Variants in MAP3K7 observed in about 807,000 individuals in gnomAD.
MAP3K7 encodes mitogen-activated protein kinase kinase kinase 7, also known as TGF-beta activated kinase 1.
Under a neutral mutation model 84.8 loss-of-function variants are expected in MAP3K7, and 21 were observed. The observed-to-expected ratio is 0.25, with a 90% CI of 0.18 to 0.36. The LOEUF is 0.36. Among genes scored for constraint, MAP3K7 ranks in the 10% least tolerant of loss-of-function variants. The pLI is 1.00. For missense variants in MAP3K7, 503 were observed against 747.7 expected, an observed-to-expected ratio of 0.67 and a Z score of 3.82; for synonymous variants, 241 against 247.7, an observed-to-expected ratio of 0.97 and a Z score of 0.25.
chr6:90,517,110 TA>T (rs1774991775), intron 16 of MAP3K7, among the ~76,000 whole-genome samples: 1 of 151,842 alleles, frequency 6.6e-6, no homozygotes, highest in Admixed American at 6.6e-5. Context: ...CAGAGAGTGG[TA>T]AGCTAATAGC....
intron 9 of MAP3K7, among the ~76,000 whole-genome samples, chr6:90,549,490 G>A (rs1392002764): frequency 2.0e-5 from 3 of 152,170 alleles, no homozygotes; most frequent in African/African-American, 7.2e-5. Context: ...CATTAGGCTT[G>A]TGGTTTAGCC....
intron 8 of MAP3K7, chr6:90,550,850 T>C (rs1473631665): frequency 2.7e-5 from 6 of 218,676 alleles, no homozygotes. Flanking sequence ...ACTCATGTTC[T>C]TACAGTAGTG....
chr6:90,559,761 G>C (rs767621910), intron 5 of MAP3K7, among the ~76,000 whole-genome samples: 1 of 152,112 alleles, frequency 6.6e-6, no homozygotes, highest in Non-Finnish European at 1.5e-5. Context: ...CTGCCCCCAA[G>C]GAATTGTCTA....
chr6:90,540,381 A>G (rs1203552069), intron 12 of MAP3K7, among the ~76,000 whole-genome samples: 1 of 151,950 alleles, frequency 6.6e-6, no homozygotes, highest in Non-Finnish European at 1.5e-5. Context: ...ACTTGAAATC[A>G]AGCATTATAA....
At chr6:90,529,222 C>A (rs1775420602) in intron 13 of MAP3K7, among the ~76,000 whole-genome samples, 1 of 152,196 alleles carries the variant, frequency 6.6e-6, no homozygotes, top group Non-Finnish European at 1.5e-5. Flanking sequence ...TCTTAAAATT[C>A]CTCATGCCCC....
At chr6:90,519,212 T>G (rs748181748) in intron 15 of MAP3K7, 46 bp downstream of exon 15, 2 of 1,284,616 alleles carry the variant, frequency 1.6e-6, no homozygotes, top group South Asian at 2.5e-5. Context: ...ACTTAAACTC[T>G]CTAAGAAGAA....
At chr6:90,542,282 C>T in intron 12 of MAP3K7, 1 of 983,762 alleles carries the variant, frequency 1.0e-6, no homozygotes, top group South Asian at 4.7e-5. Flanking sequence ...CTTTTATGTC[C>T]ACTAGTGTCA....
At position 90,586,887 on chromosome 6, in the gene MAP3K7, C is replaced by T. The variant is rs1423379121; in HGVS notation, c.-4G>A. 4 of 1,602,764 alleles carry T rather than the reference C, an allele frequency of 2.5e-6. No homozygotes were observed. Among genetic ancestry groups the T allele is most frequent in the Non-Finnish European group, 2.6e-6 (3 of 1,175,840 alleles). On this transcript the variant is annotated 5_prime_UTR_variant, in exon 1 of 17. Transcript: ENST00000369329. ...AGGCGGCAGAGGCTGTAGACATGAT[C>T]CCTCGCGGCGCCCGGTGGGGCCGGG... is the stretch of plus-strand genomic sequence containing the variant.
At chr6:90,586,536 C>G (rs1316993535) in intron 1 of MAP3K7, among the ~76,000 whole-genome samples, 3 of 152,186 alleles carry the variant, frequency 2.0e-5, no homozygotes, top group Non-Finnish European at 2.9e-5. Context: ...ATATCAAATC[C>G]AAAATCAAGA....
rs1472430329 is a variant in MAP3K7 at position 90,523,898 on chromosome 6, A to G, written c.1357-115T>C. 3.9e-5 allele frequency: 24 copies of G among 622,770 alleles called. No individual in the cohort carries two copies. In the Admixed American group the frequency reaches 6.3e-4, roughly 16 times the overall value. The allele number at this position is 622,770 out of a possible 1,614,324, so 38.6% of individuals were successfully genotyped here. On this transcript the variant is annotated intron_variant, in intron 13 of 16. Transcript: ENST00000369329. ...TTAGAGATCCCCCCAAAACTCTTGT[A>G]AACAACAAAATAAATCCTCTCTTAT...
Position 90,516,325 on chromosome 6 carries a change from G to T in MAP3K7, c.*176C>A. 7.7e-6 allele frequency: 5 copies of T among 647,794 alleles called. No individual in the cohort carries two copies. The highest frequency in any genetic ancestry group is 1.3e-5 in the Non-Finnish European group (5 of 375,750). 40.1% of individuals were successfully genotyped at this position (647,794 alleles called of 1,614,324 possible). On this transcript the variant is annotated 3_prime_UTR_variant, in exon 17 of 17. Coordinates refer to ENST00000369329, the MANE Select transcript of MAP3K7 (RefSeq NM_145331.3). Reference sequence around the variant, plus strand: ...TGTTATGCAATGAAACAGTAAAATTGTATGTCCACCATGAGAAAAGGAAAA... The same window carrying T: ...TGTTATGCAATGAAACAGTAAAATTTTATGTCCACCATGAGAAAAGGAAAA...
chr6:90,551,171 C>T (rs1323235386), intron 8 of MAP3K7: 2 of 152,180 alleles, frequency 1.3e-5, no homozygotes, highest in East Asian at 3.9e-4. Flanking sequence ...AAGGCCTAGG[C>T]TTCTATATAT....
chr6:90,526,497 G>A (rs771796671), intron 13 of MAP3K7, among the ~76,000 whole-genome samples: 1 of 152,090 alleles, frequency 6.6e-6, no homozygotes, highest in Non-Finnish European at 1.5e-5. Context: ...ACATTAGAAA[G>A]TACTTGAACT....
Position 90,568,531 on chromosome 6 carries a change from G to A in MAP3K7, c.297+27C>T, listed in dbSNP as rs555516720. 4.9e-5 allele frequency: 78 copies of A among 1,584,042 alleles called. No individual in the cohort carries two copies. The South Asian group carries it at 8.1e-4, about 16-fold the overall frequency. ...ACATCTGCCATGTCATTTCTCACAGGTGACCATGAAAAAGTAACAAACTTA... is the reference window on the plus strand; with the variant it reads ...ACATCTGCCATGTCATTTCTCACAGATGACCATGAAAAAGTAACAAACTTA... On this transcript the variant is annotated intron_variant, in intron 3 of 16. Coordinates refer to ENST00000369329, the MANE Select transcript of MAP3K7 (RefSeq NM_145331.3).
intron 13 of MAP3K7, among the ~76,000 whole-genome samples, chr6:90,525,711 G>GCA (rs1207713129): frequency 6.7e-6 from 1 of 150,352 alleles, no homozygotes; most frequent in Non-Finnish European, 1.5e-5. Flanking sequence ...GGGACTACAG[G>GCA]CACACACAAC....
intron 13 of MAP3K7, among the ~76,000 whole-genome samples, chr6:90,527,353 C>A (rs1455444285): frequency 6.6e-6 from 1 of 151,968 alleles, no homozygotes; most frequent in Non-Finnish European, 1.5e-5. Context: ...GCTTTGACCT[C>A]CTGGGCTCAA....
Position 90,580,072 on chromosome 6 carries a change from C to T in MAP3K7, c.120+6692G>A, listed in dbSNP as rs112264538. 1.0e-3 allele frequency among the ~76,000 whole-genome samples: 158 copies of T among 152,236 alleles called. 1 individual carries two copies. Among genetic ancestry groups the T allele is most frequent in the African/African-American group, 3.4e-3 (143 of 41,546 alleles). On this transcript the variant is annotated intron_variant, in intron 1 of 16. Coordinates refer to ENST00000369329, the MANE Select transcript of MAP3K7 (RefSeq NM_145331.3). ...ATGCAAATATCTTGGTAACAAATTT[C>T]CTTATTGTATTAATCAAGAACATAA...
chr6:90,586,827 G>C lies in MAP3K7; in HGVS notation c.57C>G (p.Ile19Met), dbSNP rs778123770. 1.4e-5 allele frequency: 23 copies of C among 1,610,868 alleles called. No individual in the cohort carries two copies. Among genetic ancestry groups the C allele is most frequent in the Non-Finnish European group, 1.4e-5 (17 of 1,178,592 alleles). Residue 19 changes from isoleucine (I) to methionine (M), a missense_variant, in exon 1 of 17, where the codon ATC becomes ATG. Ile to Met is a conservative substitution (Grantham distance 10, BLOSUM62 1). This residue lies in a region of MAP3K7 where 41 missense variants were observed against 41.4 expected (regional missense o/e 0.99). Transcript: ENST00000369329. ...SSSSSSAGEMIEAPSQVLNFE... is the reference protein window; with the variant it reads ...SSSSSSAGEMMEAPSQVLNFE... Reference sequence around the variant, plus strand: ...AGTTGAGGACCTGGGAAGGGGCTTCGATCATCTCACCGGCCGAAGACGAGG... The same window carrying C: ...AGTTGAGGACCTGGGAAGGGGCTTCCATCATCTCACCGGCCGAAGACGAGG...
chr6:90,544,414 A>G, intron 12 of MAP3K7, 138 bp downstream of exon 12: 1 of 684,940 alleles, frequency 1.5e-6, no homozygotes, highest in East Asian at 2.7e-5. Flanking sequence ...TAGTTTTTCA[A>G]TCTGTCTCCC....
Sources: allele counts gnomAD v4.1 joint callset (sites outside exome capture counted in the v4.1 genomes callset), GRCh38; gene constraint gnomAD v4.1.1; regional missense constraint gnomAD v4.1.1; transcripts MANE v1.5; gene names NCBI Gene and HGNC (gene_info 2026-07-23, HGNC 2026-07-21).